Variants in IL26 observed in about 807,000 individuals in gnomAD.
IL26 encodes interleukin-26.
Under a neutral mutation model 21.7 loss-of-function variants are expected in IL26, and 23 were observed. The observed-to-expected ratio is 1.06, with a 90% CI of 0.76 to 1.50. The LOEUF (loss-of-function observed/expected upper bound fraction) is 1.50, where lower values mean the gene tolerates loss of function less well. Among genes scored for constraint, IL26 ranks in the 40% most tolerant of loss-of-function variants. The pLI, the probability that IL26 is intolerant of heterozygous loss-of-function variation, is 0.00. For missense variants in IL26, 204 were observed against 196.0 expected, an observed-to-expected ratio of 1.04 and a Z score of -0.24; for synonymous variants, 63 against 67.8, an observed-to-expected ratio of 0.93 and a Z score of 0.34.
intron 3 of IL26, among the ~76,000 whole-genome samples, chr12:68,205,773 G>C (rs1868523236): frequency 6.6e-6 from 1 of 152,172 alleles, no homozygotes; most frequent in Admixed American, 6.5e-5. Context: ...TCCACCATTT[G>C]CTTTAGTTTC....
chr12:68,206,572 C>T (rs760833392), intron 3 of IL26, among the ~76,000 whole-genome samples: 44 of 152,214 alleles, frequency 2.9e-4, no homozygotes, highest in Non-Finnish European at 3.4e-4. Context: ...AATGGAAAGA[C>T]TGGCAGCTGG....
intron 3 of IL26, among the ~76,000 whole-genome samples, chr12:68,219,892 G>A (rs980100340): frequency 6.6e-6 from 1 of 151,896 alleles, no homozygotes; most frequent in Non-Finnish European, 1.5e-5. Context: ...ACATCATCCT[G>A]TACTATGCAG....
intron 3 of IL26, among the ~76,000 whole-genome samples, chr12:68,224,022 A>T (rs1362360871): frequency 1.5e-5 from 2 of 131,178 alleles, no homozygotes; most frequent in Non-Finnish European, 3.2e-5. Context: ...AAACATCTTA[A>T]CTCTTAAAAA....
chr12:68,204,854 T>A (rs1406701579), intron 3 of IL26, among the ~76,000 whole-genome samples: 1 of 152,170 alleles, frequency 6.6e-6, no homozygotes, highest in Non-Finnish European at 1.5e-5. Flanking sequence ...ACAGGTCCAG[T>A]AGGATGGCAG....
chr12:68,210,446 T>A (rs924727845), intron 3 of IL26, among the ~76,000 whole-genome samples: 12 of 138,442 alleles, frequency 8.7e-5, no homozygotes, highest in Admixed American at 6.0e-4. Flanking sequence ...ATAGGAAACT[T>A]TGAAAGAAAA....
chr12:68,218,062 C>T (rs1868940140), intron 3 of IL26, among the ~76,000 whole-genome samples: 4 of 152,080 alleles, frequency 2.6e-5, no homozygotes, highest in African/African-American at 9.7e-5. Context: ...ACAACAAGAT[C>T]TGAAAAGATC....
At chr12:68,214,012 G>A (rs1262978160) in intron 3 of IL26, among the ~76,000 whole-genome samples, 1 of 151,884 alleles carries the variant, frequency 6.6e-6, no homozygotes, top group Non-Finnish European at 1.5e-5. Context: ...TCCCTCTTAG[G>A]ACTGCTTTTG....
At chr12:68,224,285 TTTTTGTTTTGTTTTG>T (rs60633848) in intron 3 of IL26, among the ~76,000 whole-genome samples, 144 of 148,128 alleles carry the variant, frequency 9.7e-4, no homozygotes, top group East Asian at 7.9e-3. Flanking sequence ...TGGCTCAGTG[TTTTTGTTTTGTTTTG>T]TTTTGTTTTG....
chr12:68,225,327 C>T lies in IL26; in HGVS notation c.229-44G>A, dbSNP rs368290275. On this transcript the variant is annotated intron_variant, in intron 2 of 4. Transcript: ENST00000229134. ...AAATTGCATATGGTAAATTATGAAT[C>T]GTTTTTTAATGTCCCCCGATCATTA... 13 of 1,579,686 alleles carry T rather than the reference C, an allele frequency of 8.2e-6. No homozygotes were observed. In the African/African-American group the frequency reaches 1.5e-4, roughly 18 times the overall value.
chr12:68,220,506 A>G (rs573233484), intron 3 of IL26, among the ~76,000 whole-genome samples: 56 of 152,374 alleles, frequency 3.7e-4, no homozygotes, highest in Non-Finnish European at 7.5e-4. Context: ...TAAAATGAGG[A>G]AACTTCTAAA....
intron 3 of IL26, among the ~76,000 whole-genome samples, chr12:68,212,528 A>C (rs1371705079): frequency 6.6e-6 from 1 of 152,158 alleles, no homozygotes; most frequent in Non-Finnish European, 1.5e-5. Flanking sequence ...GGAGCATTGA[A>C]TATCCATGTT....
At chr12:68,210,122 G>C (rs1275761711) in intron 3 of IL26, among the ~76,000 whole-genome samples, 1 of 151,668 alleles carries the variant, frequency 6.6e-6, no homozygotes, top group Non-Finnish European at 1.5e-5. Flanking sequence ...TGATAGATAA[G>C]AGTGACAGAT....
At chr12:68,214,021 T>G (rs1868806172) in intron 3 of IL26, among the ~76,000 whole-genome samples, 1 of 152,150 alleles carries the variant, frequency 6.6e-6, no homozygotes, top group Non-Finnish European at 1.5e-5. Flanking sequence ...GGACTGCTTT[T>G]GCTGTATCCC....
chr12:68,206,747 GT>G (rs1389761271), intron 3 of IL26, among the ~76,000 whole-genome samples: 14 of 152,168 alleles, frequency 9.2e-5, no homozygotes, highest in Non-Finnish European at 1.9e-4. Context: ...CTGTAGCATT[GT>G]TTTCCAGAAT....
At chr12:68,219,627 T>A (rs559109602) in intron 3 of IL26, among the ~76,000 whole-genome samples, 3 of 151,448 alleles carry the variant, frequency 2.0e-5, no homozygotes, top group African/African-American at 7.2e-5. Context: ...GAAAAAAAAA[T>A]TTCAAGTTAA....
intron 3 of IL26, among the ~76,000 whole-genome samples, chr12:68,211,847 G>T (rs1265655589): frequency 6.6e-6 from 1 of 151,974 alleles, no homozygotes; most frequent in Non-Finnish European, 1.5e-5. Flanking sequence ...TTTGTCGATT[G>T]TTTCCTTTGC....
At chr12:68,202,153 A>G (rs913496055) in intron 3 of IL26, 70 bp from the exon 4 acceptor site, 1 of 1,001,780 alleles carries the variant, frequency 1.0e-6, no homozygotes, top group Admixed American at 2.5e-5. Flanking sequence ...CATTCATTCA[A>G]CAAATATTTA....
intron 3 of IL26, among the ~76,000 whole-genome samples, chr12:68,211,126 T>C (rs1305135981): frequency 1.3e-5 from 2 of 152,174 alleles, no homozygotes; most frequent in African/African-American, 4.8e-5. Context: ...ACTCAACCTA[T>C]TCACTGTCTT....
intron 3 of IL26, among the ~76,000 whole-genome samples, chr12:68,222,569 C>G (rs11570922): frequency 6.6e-6 from 1 of 152,312 alleles, no homozygotes; most frequent in South Asian, 2.1e-4. Flanking sequence ...CTCCAGGAAA[C>G]AGAATGGGCC....
Sources: gnomAD v4.1 joint callset for allele counts (sites outside exome capture counted in the v4.1 genomes callset) on GRCh38, gnomAD v4.1.1 for gene constraint, MANE v1.5 for transcripts, NCBI Gene and HGNC (gene_info 2026-07-23, HGNC 2026-07-21) for gene names.